PLAA: variants seen among roughly 807,000 people sequenced by gnomAD.
The protein encoded by PLAA is phospholipase A-2-activating protein.
Under a neutral mutation model 84.1 loss-of-function variants are expected in PLAA, and 48 were observed. The ratio of observed to expected loss-of-function variants is 0.57; its 90% confidence interval spans 0.45 to 0.73. PLAA has a LOEUF of 0.73. Among genes scored for constraint, PLAA ranks in the 30% least tolerant of loss-of-function variants. PLAA has a pLI of 0.00. For missense variants in PLAA, 903 were observed against 954.7 expected (o/e 0.95, Z 0.71); for synonymous variants, 392 against 336.6 (o/e 1.16, Z -1.80).
rs921329972 is a variant in PLAA, at chr9:26,920,126, A to C, written c.1197+101T>G. ...AGTTTCCCACAGTAATGGATTTTTAAATGTCAAAACAAAGGAAATTTTATC... is the reference window on the plus strand; with the variant it reads ...AGTTTCCCACAGTAATGGATTTTTACATGTCAAAACAAAGGAAATTTTATC... On this transcript the variant is annotated intron_variant, in intron 8 of 13. Transcript: ENST00000397292. 27 of 897,762 alleles carry C rather than the reference A, an allele frequency of 3.0e-5. No individual in the cohort carries two copies. In the South Asian group the frequency reaches 4.9e-4, roughly 16 times the overall value. 55.6% of individuals were successfully genotyped at this position (897,762 alleles called of 1,614,324 possible). A position where few individuals can be genotyped will look rare whatever the true frequency, so the allele number is the denominator to read the frequency against.
At chr9:26,932,612 C>G (rs1825222194) in intron 2 of PLAA, among the ~76,000 whole-genome samples, 1 of 152,078 alleles carries the variant, frequency 6.6e-6, no homozygotes, top group African/African-American at 2.4e-5. Flanking sequence ...AGTTTGCCAA[C>G]CCCTGTTTTA....
intron 1 of PLAA, among the ~76,000 whole-genome samples, chr9:26,944,331 T>C (rs1318554072): frequency 1.3e-5 from 2 of 152,172 alleles, no homozygotes; most frequent in Non-Finnish European, 2.9e-5. Flanking sequence ...TGTGGTATTC[T>C]GCTACAGCAA....
Position 26,928,329 on chromosome 9 carries a change from G to A in PLAA, c.423C>T (p.Asp141=). The A allele has an allele frequency of 1.9e-6, 3 of 1,614,012 alleles. No homozygotes were observed. The highest frequency in any genetic ancestry group is 2.5e-6 in the Non-Finnish European group (3 of 1,179,892). ...WDTTAKVWLN[D]KCMMTLQGHT... ...GTACCTGCAAGGTCATCATGCACTT[G>A]TCATTCAGCCAGACTTTAGCAGTGG... The change falls in exon 3 of 14, where the codon GAC becomes GAT. Residue 141 remains aspartate (D), a synonymous_variant. Coordinates refer to ENST00000397292, the MANE Select transcript of PLAA (RefSeq NM_001031689.3).
chr9:26,924,808 C>T (rs754356881), intron 6 of PLAA, among the ~76,000 whole-genome samples: 66 of 152,136 alleles, frequency 4.3e-4, no homozygotes, highest in Non-Finnish European at 7.6e-4. Context: ...GTATTTCTTC[C>T]CTCAGAGAAT....
chr9:26,945,219 CACA>C (rs1217295769), intron 1 of PLAA, among the ~76,000 whole-genome samples: 1 of 152,104 alleles, frequency 6.6e-6, no homozygotes, highest in Non-Finnish European at 1.5e-5. Flanking sequence ...TCCTGGTAAG[CACA>C]ACCACTCCAG....
At chr9:26,917,801 C>CA (rs1054843375) in intron 9 of PLAA, among the ~76,000 whole-genome samples, 6 of 150,422 alleles carry the variant, frequency 4.0e-5, no homozygotes, top group East Asian at 1.9e-4. Context: ...AGGTTGTCCA[C>CA]AAAAAAAACA....
In PLAA at chr9:26,947,120, G is replaced by C. The variant is rs1381979530; in HGVS notation, c.-75C>G. The stretch of plus-strand genomic sequence containing the variant: ...CCGCAGGGGCGACTCGGAGAGCGCC[G>C]GGCCGCGGCGGGAGAAGAGCCTGCA... On this transcript the variant is annotated 5_prime_UTR_variant, in exon 1 of 14. Coordinates refer to ENST00000397292, the MANE Select transcript of PLAA (RefSeq NM_001031689.3). The C allele has an allele frequency of 2.2e-6, 3 of 1,392,372 alleles. No individual in the cohort carries two copies. In the Admixed American group the frequency reaches 9.6e-5, roughly 45 times the overall value. 86.3% of individuals were successfully genotyped at this position (1,392,372 alleles called of 1,614,324 possible).
chr9:26,922,654 G>A (rs940717487), intron 7 of PLAA, among the ~76,000 whole-genome samples: 2 of 150,742 alleles, frequency 1.3e-5, no homozygotes, highest in Non-Finnish European at 2.9e-5. Context: ...CACAGACAAT[G>A]CTTGATTTTA....
At chr9:26,920,939 T>C (rs1321865835) in intron 7 of PLAA, among the ~76,000 whole-genome samples, 1 of 152,096 alleles carries the variant, frequency 6.6e-6, no homozygotes, top group Non-Finnish European at 1.5e-5. Flanking sequence ...ACAGTGTATA[T>C]TCCACCCAGC....
chr9:26,920,341 T>TTTCTCCC lies in PLAA; in HGVS notation c.1076_1082dup (p.Val362GlyfsTer11). On this transcript the variant is annotated frameshift_variant, in exon 8 of 14. Coordinates refer to ENST00000397292, the MANE Select transcript of PLAA (RefSeq NM_001031689.3). LOFTEE classifies it high-confidence loss of function. ...TAACACTCCACTGATAGGCTTCGAC[T>TTTCTCCC]TTCTCCCCATCTCTGATTAGACGAG... The TTTCTCCC allele has an allele frequency of 1.2e-6, 2 of 1,613,534 alleles. No individual in the cohort carries two copies. The highest frequency in any genetic ancestry group is 1.7e-6 in the Non-Finnish European group (2 of 1,179,514).
chr9:26,915,635 G>T, intron 10 of PLAA: 3 of 887,576 alleles, frequency 3.4e-6, no homozygotes, highest in Middle Eastern at 5.8e-4. Flanking sequence ...TATGGTAGAT[G>T]CTGTTATATA....
At chr9:26,931,944 G>A (rs1825198926) in intron 2 of PLAA, among the ~76,000 whole-genome samples, 1 of 152,154 alleles carries the variant, frequency 6.6e-6, no homozygotes, top group South Asian at 2.1e-4. Context: ...AAACTTAGCT[G>A]GGCGTGGTGG....
intron 1 of PLAA, among the ~76,000 whole-genome samples, chr9:26,942,030 G>T (rs141706849): frequency 1.6e-4 from 25 of 152,200 alleles, no homozygotes; most frequent in African/African-American, 6.0e-4. Flanking sequence ...ACTAGAAGAT[G>T]AAATACAATG....
intron 2 of PLAA, among the ~76,000 whole-genome samples, chr9:26,929,574 T>G (rs1442839879): frequency 6.6e-6 from 1 of 152,196 alleles, no homozygotes; most frequent in African/African-American, 2.4e-5. Flanking sequence ...GAAACCTTTT[T>G]CCTAGACCAG....
In PLAA at chr9:26,905,515, A is replaced by G; in HGVS notation, c.2384T>C (p.Leu795Pro). The G allele has an allele frequency of 2.5e-6, 4 of 1,602,506 alleles. No individual in the cohort carries two copies. The highest frequency in any genetic ancestry group is 3.4e-6 in the Non-Finnish European group (4 of 1,173,926). Residue 795 changes from leucine to proline, a missense_variant, in exon 14 of 14, where the codon CTG (leucine) becomes CCG (proline). By Grantham distance (98) the Leu-to-Pro change is moderately conservative (BLOSUM62 -3). Transcript: ENST00000397292. ...ATCCGTCCCTCTTCCCCACTGCTACAGCAAATTTAGGATAAATCTACAGCA... is the reference window on the plus strand; with the variant it reads ...ATCCGTCCCTCTTCCCCACTGCTACGGCAAATTTAGGATAAATCTACAGCA... ...SECCRFILNL[L>P]
chr9:26,946,850 C>A lies in PLAA; in HGVS notation c.149+47G>T, dbSNP rs1375473757. On this transcript the variant is annotated intron_variant, in intron 1 of 13. Coordinates refer to ENST00000397292, the MANE Select transcript of PLAA (RefSeq NM_001031689.3). The stretch of plus-strand genomic sequence containing the variant: ...GAAGGGTCACTCTCCTTCCACTCTC[C>A]GGGAAGCGTGCAACACAGCCGGGGC... 43 of 1,524,880 alleles carry A rather than the reference C, an allele frequency of 2.8e-5. No homozygotes were observed. The East Asian group carries it at 1.1e-3, about 37-fold the overall frequency. 94.5% of individuals were successfully genotyped at this position (1,524,880 alleles called of 1,614,324 possible). A position where few individuals can be genotyped will look rare whatever the true frequency, so the allele number is the denominator to read the frequency against.
intron 6 of PLAA, among the ~76,000 whole-genome samples, chr9:26,925,473 T>G (rs1191218459): frequency 6.6e-6 from 1 of 152,252 alleles, no homozygotes; most frequent in African/African-American, 2.4e-5. Flanking sequence ...GTATCTTTTC[T>G]CACTCATAAT....
chr9:26,911,264 T>C (rs557627844), intron 11 of PLAA, among the ~76,000 whole-genome samples: 67 of 152,284 alleles, frequency 4.4e-4, no homozygotes, highest in African/African-American at 1.5e-3. Flanking sequence ...GCAATTCTCC[T>C]GCCTCAGCCT....
chr9:26,946,173 G>A (rs1825701888), intron 1 of PLAA, among the ~76,000 whole-genome samples: 1 of 152,064 alleles, frequency 6.6e-6, no homozygotes, highest in African/African-American at 2.4e-5. Context: ...TCTCTGAACT[G>A]CAATCTGTCT....
Sources: gnomAD v4.1 joint callset for allele counts (sites outside exome capture counted in the v4.1 genomes callset) on GRCh38, gnomAD v4.1.1 for gene constraint, MANE v1.5 for transcripts, NCBI Gene and HGNC (gene_info 2026-07-23, HGNC 2026-07-21) for gene names.